The following ATP8B1 variants were observed in gnomAD, a reference collection of about 807,000 sequenced individuals.
The protein encoded by ATP8B1 is phospholipid-transporting ATPase IC.
Under a neutral mutation model 149.9 loss-of-function variants are expected in ATP8B1, and 80 were observed. That is an observed-to-expected ratio of 0.53 (90% CI 0.45 to 0.64). ATP8B1 has a LOEUF of 0.64. Among genes scored for constraint, ATP8B1 ranks in the 30% least tolerant of loss-of-function variants. The probability of loss-of-function intolerance (pLI) is 0.00; values close to 1 mark genes in which losing one functional copy is unlikely to be tolerated. For missense variants in ATP8B1, 1,247 were observed against 1,552.6 expected (o/e 0.80, Z 3.31); for synonymous variants, 536 against 562.8 (o/e 0.95, Z 0.67).
intron 17 of ATP8B1, among the ~76,000 whole-genome samples, chr18:57,670,577 G>C (rs1001493047): frequency 6.6e-6 from 1 of 151,226 alleles, no homozygotes; most frequent in Non-Finnish European, 1.5e-5. Flanking sequence ...GTCTCGATCT[G>C]TTAACCTCGT....
intron 11 of ATP8B1, among the ~76,000 whole-genome samples, chr18:57,693,332 G>A (rs923395028): frequency 3.3e-5 from 5 of 152,166 alleles, no homozygotes; most frequent in Admixed American, 6.6e-5. Context: ...TCCGAAGGCC[G>A]GCTTGCAAGG....
intron 23 of ATP8B1, 39 bp downstream of exon 23, chr18:57,655,155 T>G: frequency 2.6e-6 from 4 of 1,526,564 alleles, no homozygotes; most frequent in South Asian, 2.2e-5. Context: ...ATTTAAGAGC[T>G]CTACTTAGTA....
chr18:57,705,157 A>C (rs1913327828), intron 3 of ATP8B1, among the ~76,000 whole-genome samples: 1 of 152,222 alleles, frequency 6.6e-6, no homozygotes, highest in South Asian at 2.1e-4. Flanking sequence ...CAAAATGACT[A>C]CTTGGAGTCT....
chr18:57,655,404 G>A lies in ATP8B1; in HGVS notation c.2721C>T (p.Gly907=), dbSNP rs780013917. 2.5e-5 allele frequency: 40 copies of A among 1,613,976 alleles called. No individual in the cohort carries two copies. Among genetic ancestry groups the A allele is most frequent in the South Asian group, 9.9e-5 (9 of 91,088 alleles). ...DVNMIKTAHI[G]VGISGQEGMQ... The stretch of plus-strand genomic sequence containing the variant: ...TTCCTTCTTGTCCACTTATTCCAAC[G>A]CCAATGTGGGCAGCTATGGGGCAGA... The change falls in exon 23 of 28, where the codon GGC becomes GGT. Residue 907 remains glycine (G), a synonymous_variant. Transcript: ENST00000648908.
intron 2 of ATP8B1, among the ~76,000 whole-genome samples, chr18:57,721,098 A>G (rs319413): frequency 0.22 from 19,467 of 88,266 alleles, 4,896 homozygotes; most frequent in Middle Eastern, 0.27. Context: ...TGAAGGAAGC[A>G]CTAAACATGG....
At position 57,661,336 on chromosome 18, in the gene ATP8B1, G is replaced by A. The variant is rs1189853817; in HGVS notation, c.2545C>T (p.Arg849Trp). The A allele has an allele frequency of 3.7e-6, 6 of 1,613,982 alleles. No individual in the cohort carries two copies. The highest frequency in any genetic ancestry group is 1.1e-5 in the South Asian group (1 of 91,074). ...GCCAGGTCCACAAAGTTTTTCTGCC[G>A]CTGCTCTTTCTTAGCTTCTAGCCTC... ...KRRLEAKKEQ[R>W]QKNFVDLACE... The change falls in exon 22 of 28, where the codon CGG becomes TGG. Residue 849 changes from arginine (R) to tryptophan (W), a missense_variant. Physicochemically the swap from Arg to Trp is moderately radical, Grantham distance 101 (BLOSUM62 -3). Coordinates refer to ENST00000648908, the MANE Select transcript of ATP8B1 (RefSeq NM_001374385.1).
At chr18:57,717,907 G>A (rs141307363) in intron 2 of ATP8B1, among the ~76,000 whole-genome samples, 1,881 of 151,464 alleles carry the variant, frequency 0.012, 38 homozygotes, top group African/African-American at 0.043. Context: ...CACCACACCT[G>A]GCTAATTTTT....
intron 2 of ATP8B1, among the ~76,000 whole-genome samples, chr18:57,714,220 G>A (rs1365101888): frequency 6.6e-6 from 1 of 152,188 alleles, no homozygotes; most frequent in Non-Finnish European, 1.5e-5. Context: ...GCAGAATAGT[G>A]GAAAGGACTG....
Position 57,654,039 on chromosome 18 carries a change from C to G in ATP8B1, c.2968G>C (p.Val990Leu), listed in dbSNP as rs747325752. 6.2e-7 allele frequency: 1 copy of G among 1,613,970 alleles called. No individual in the cohort carries two copies. The highest frequency in any genetic ancestry group is 8.5e-7 in the Non-Finnish European group (1 of 1,179,980). ...AGCACGGGCAGGCTGGTGTACAGCA[C>G]GTTGTAGAGGGTGATGAACCAATCC... is the stretch of plus-strand genomic sequence containing the variant. Reference protein sequence around the residue: ...YEDWFITLYNVLYTSLPVLLM... With the variant: ...YEDWFITLYNLLYTSLPVLLM... Residue 990 changes from valine to leucine, a missense_variant, in exon 24 of 28, where the codon GTG (valine) becomes CTG (leucine). By Grantham distance (32) the Val-to-Leu change is conservative. Coordinates refer to ENST00000648908, the MANE Select transcript of ATP8B1 (RefSeq NM_001374385.1).
At chr18:57,744,244 G>A (rs1325651131) in intron 1 of ATP8B1, among the ~76,000 whole-genome samples, 1 of 147,696 alleles carries the variant, frequency 6.8e-6, no homozygotes, top group African/African-American at 2.5e-5. Context: ...GAACCCGGGA[G>A]GTAGAGGTTG....
Position 57,680,277 on chromosome 18 carries a change from C to CAAAAAAAAAAAAAAAAAAAAA in ATP8B1, c.1630+3738_1630+3758dup. The stretch of plus-strand genomic sequence containing the variant: ...GGGCAACAGGAGCGAGACTCAGTCT[C>CAAAAAAAAAAAAAAAAAAAAA]AAAAAAAAAAAAAAAAAAAAAAAAA... On this transcript the variant is annotated intron_variant, in intron 15 of 27. Coordinates refer to ENST00000648908, the MANE Select transcript of ATP8B1 (RefSeq NM_001374385.1). 1.2e-3 allele frequency among the ~76,000 whole-genome samples: 47 copies of CAAAAAAAAAAAAAAAAAAAAA among 40,452 alleles called. 2 individuals carry two copies. Among genetic ancestry groups the CAAAAAAAAAAAAAAAAAAAAA allele is most frequent in the East Asian group, 5.3e-3 (4 of 758 alleles). 26.5% of individuals were successfully genotyped at this position (40,452 alleles called of 152,430 possible). A position where few individuals can be genotyped will look rare whatever the true frequency, so the allele number is the denominator to read the frequency against.
intron 1 of ATP8B1, among the ~76,000 whole-genome samples, chr18:57,783,516 G>A (rs186927691): frequency 1.3e-5 from 2 of 152,188 alleles, no homozygotes; most frequent in Admixed American, 6.5e-5. Flanking sequence ...CAAGACTCCT[G>A]ATATTCACAA....
chr18:57,745,267 C>G (rs1160641650), intron 1 of ATP8B1, among the ~76,000 whole-genome samples: 1 of 152,058 alleles, frequency 6.6e-6, no homozygotes, highest in Non-Finnish European at 1.5e-5. Flanking sequence ...AGGACTCTTA[C>G]TGAAACAAAT....
At chr18:57,686,727 G>T (rs941922115) in intron 13 of ATP8B1, among the ~76,000 whole-genome samples, 3 of 152,116 alleles carry the variant, frequency 2.0e-5, no homozygotes, top group East Asian at 3.9e-4. Flanking sequence ...CCAGAGATGG[G>T]GTTTTGTCAT....
chr18:57,707,846 T>C (rs549409129), intron 2 of ATP8B1, among the ~76,000 whole-genome samples: 3 of 151,648 alleles, frequency 2.0e-5, no homozygotes, highest in African/African-American at 7.3e-5. Flanking sequence ...AAAGGAAATA[T>C]AGACAATATG....
intron 1 of ATP8B1, among the ~76,000 whole-genome samples, chr18:57,754,718 C>G (rs1019195380): frequency 1.5e-4 from 23 of 152,116 alleles, no homozygotes; most frequent in African/African-American, 5.6e-4. Flanking sequence ...CAGCCCACGC[C>G]GGGGCTCAAA....
intron 1 of ATP8B1, among the ~76,000 whole-genome samples, chr18:57,762,057 T>C (rs974850002): frequency 6.6e-6 from 1 of 151,502 alleles, no homozygotes; most frequent in African/African-American, 2.4e-5. Flanking sequence ...TGTACGCTGT[T>C]CACATCTTGC....
At chr18:57,778,329 C>T (rs1349623674) in intron 1 of ATP8B1, among the ~76,000 whole-genome samples, 1 of 151,436 alleles carries the variant, frequency 6.6e-6, no homozygotes, top group Non-Finnish European at 1.5e-5. Context: ...AGGTTCACGC[C>T]ATTCTCCTGC....
At chr18:57,708,506 C>G (rs987917056) in intron 2 of ATP8B1, 2 of 152,204 alleles carry the variant, frequency 1.3e-5, no homozygotes, top group Non-Finnish European at 2.9e-5. Flanking sequence ...TGAATCCATT[C>G]TATTTGGTGG....
Sources: allele counts gnomAD v4.1 joint callset (sites outside exome capture counted in the v4.1 genomes callset), GRCh38; gene constraint gnomAD v4.1.1; transcripts MANE v1.5; gene names NCBI Gene and HGNC (gene_info 2026-07-23, HGNC 2026-07-21).